Variants in ASAP1 observed in about 807,000 individuals in gnomAD.
The protein encoded by ASAP1 is arf-GAP with SH3 domain, ANK repeat and PH domain-containing protein 1.
ASAP1 carries 43 observed loss-of-function variants against 145.2 expected under a neutral mutation model. That is an observed-to-expected ratio of 0.30 (90% CI 0.23 to 0.38). The LOEUF (loss-of-function observed/expected upper bound fraction) is 0.38, where lower values mean the gene tolerates loss of function less well. ASAP1 is among the 10% of genes least tolerant of loss of function. The probability of loss-of-function intolerance (pLI) is 1.00; values close to 1 mark genes in which losing one functional copy is unlikely to be tolerated. For missense variants in ASAP1, 1,018 were observed against 1,355.3 expected (o/e 0.75, Z 3.91); for synonymous variants, 546 against 515.5 (o/e 1.06, Z -0.80).
intron 15 of ASAP1, among the ~76,000 whole-genome samples, chr8:130,128,383 A>G (rs1456610952): frequency 6.6e-6 from 1 of 152,126 alleles, no homozygotes; most frequent in Non-Finnish European, 1.5e-5. Flanking sequence ...ACGAATATAC[A>G]AGGAGACTGC....
intron 3 of ASAP1, among the ~76,000 whole-genome samples, chr8:130,341,434 C>G (rs1396637106): frequency 6.6e-6 from 1 of 152,170 alleles, no homozygotes; most frequent in Non-Finnish European, 1.5e-5. Context: ...GAGGGTCAGA[C>G]AGATCTTTGT....
chr8:130,214,777 A>G lies in ASAP1; in HGVS notation c.260-76T>C. 3 of 1,239,902 alleles carry G rather than the reference A, an allele frequency of 2.4e-6. No individual in the cohort carries two copies. The South Asian group carries it at 4.6e-5, about 19-fold the overall frequency. The allele number at this position is 1,239,902 out of a possible 1,614,324, so 76.8% of individuals were successfully genotyped here. On this transcript the variant is annotated intron_variant, in intron 4 of 29. Coordinates refer to ENST00000518721, the MANE Select transcript of ASAP1 (RefSeq NM_018482.4). ...TGAAAAGTTACTTTGAACACCGATC[A>G]CTACGAATTCTCAAAATGGAAGCAT... is the stretch of plus-strand genomic sequence containing the variant.
chr8:130,310,236 T>C lies in ASAP1; in HGVS notation c.186+47781A>G, dbSNP rs182832328. Among the ~76,000 whole-genome samples, 309 of 152,040 alleles carry C rather than the reference T, an allele frequency of 2.0e-3. 2 individuals are homozygous for C. The highest frequency in any genetic ancestry group is 6.8e-3 in the African/African-American group (284 of 41,480). On this transcript the variant is annotated intron_variant, in intron 3 of 29. Transcript: ENST00000518721. Reference sequence around the variant, plus strand: ...GAGCTTTATAATTCTCTACAAATAATAGAAATAACCATTGTTATGGGCTCA... The same window carrying C: ...GAGCTTTATAATTCTCTACAAATAACAGAAATAACCATTGTTATGGGCTCA...
intron 1 of ASAP1, among the ~76,000 whole-genome samples, chr8:130,434,937 C>T (rs1273575337): frequency 6.6e-6 from 1 of 152,130 alleles, no homozygotes; most frequent in African/African-American, 2.4e-5. Flanking sequence ...ACAGCCCATC[C>T]CCTGAAAACC....
chr8:130,067,390 C>T (rs1221418597), intron 27 of ASAP1, among the ~76,000 whole-genome samples: 2 of 152,108 alleles, frequency 1.3e-5, no homozygotes, highest in Non-Finnish European at 2.9e-5. Context: ...CTATGTGATG[C>T]CCACTATTTT....
In ASAP1 at chr8:130,064,230, C is replaced by T. The variant is rs143188354; in HGVS notation, c.2702-3161G>A. 5.0e-3 allele frequency among the ~76,000 whole-genome samples: 763 copies of T among 152,176 alleles called. 2 individuals carry two copies. Among genetic ancestry groups the T allele is most frequent in the Admixed American group, 7.1e-3 (109 of 15,278 alleles). On this transcript the variant is annotated intron_variant, in intron 27 of 29. Coordinates refer to ENST00000518721, the MANE Select transcript of ASAP1 (RefSeq NM_018482.4). ...GACAGGGTAGGAGGCTCCAACTGTC[C>T]AGACAAGAGATGATGCTCATTTGAT... is the stretch of plus-strand genomic sequence containing the variant.
intron 3 of ASAP1, among the ~76,000 whole-genome samples, chr8:130,246,630 C>T (rs1294303245): frequency 3.3e-5 from 5 of 152,140 alleles, no homozygotes; most frequent in Non-Finnish European, 4.4e-5. Flanking sequence ...CCCAGCCACG[C>T]GGAACTGTGA....
chr8:130,094,030 G>A (rs1442097449), intron 24 of ASAP1, among the ~76,000 whole-genome samples: 1 of 152,110 alleles, frequency 6.6e-6, no homozygotes, highest in Non-Finnish European at 1.5e-5. Flanking sequence ...CACAATGGAA[G>A]CCTGATGCTT....
intron 24 of ASAP1, among the ~76,000 whole-genome samples, chr8:130,100,220 G>A (rs1411988553): frequency 6.6e-6 from 1 of 152,180 alleles, no homozygotes; most frequent in East Asian, 1.9e-4. Context: ...ACTGGAAATA[G>A]ATAATATCTC....
chr8:130,194,580 A>T (rs1253644340), intron 5 of ASAP1, among the ~76,000 whole-genome samples: 1 of 152,188 alleles, frequency 6.6e-6, no homozygotes, highest in Non-Finnish European at 1.5e-5. Flanking sequence ...CTGGCACCAG[A>T]GGCTGGTTTT....
chr8:130,170,162 G>C (rs752236840), intron 9 of ASAP1, among the ~76,000 whole-genome samples: 3 of 151,288 alleles, frequency 2.0e-5, no homozygotes, highest in Non-Finnish European at 4.4e-5. Context: ...CAGACTGAAT[G>C]AAGCAATATC....
chr8:130,149,286 T>C (rs992380973), intron 13 of ASAP1, among the ~76,000 whole-genome samples: 10 of 150,452 alleles, frequency 6.6e-5, no homozygotes, highest in East Asian at 1.9e-4. Flanking sequence ...ACTACTGTTA[T>C]AGCAAATTCA....
intron 1 of ASAP1, chr8:130,427,617 C>T (rs1829972245): frequency 6.6e-6 from 1 of 152,272 alleles, no homozygotes; most frequent in African/African-American, 2.4e-5. Context: ...TGCCGAAGGT[C>T]ACCAAGCAAG....
At chr8:130,398,987 C>T (rs940031127) in intron 2 of ASAP1, among the ~76,000 whole-genome samples, 4 of 152,208 alleles carry the variant, frequency 2.6e-5, no homozygotes, top group Non-Finnish European at 5.9e-5. Flanking sequence ...ATAAAGATTA[C>T]ACTTCCCAGC....
intron 4 of ASAP1, among the ~76,000 whole-genome samples, chr8:130,217,502 A>G (rs1246456999): frequency 6.8e-6 from 1 of 146,024 alleles, no homozygotes; most frequent in Non-Finnish European, 1.5e-5. Flanking sequence ...TGTATATTAT[A>G]TGTGTATATA....
In ASAP1 at chr8:130,328,420, G is replaced by A. The variant is rs75552144; in HGVS notation, c.186+29597C>T. 4.5e-3 allele frequency among the ~76,000 whole-genome samples: 691 copies of A among 152,222 alleles called. 5 individuals are homozygous for A. The highest frequency in any genetic ancestry group is 0.016 in the African/African-American group (656 of 41,526). ...CCTGTATTAATTTCAGGATGAGGGA[G>A]GAAAAATAAAGTAATTAAATTTTGC... On this transcript the variant is annotated intron_variant, in intron 3 of 29. Transcript: ENST00000518721.
At chr8:130,421,553 T>C (rs922716275) in intron 1 of ASAP1, among the ~76,000 whole-genome samples, 6 of 152,118 alleles carry the variant, frequency 3.9e-5, no homozygotes, top group African/African-American at 9.7e-5. Context: ...TTTTAAGAAG[T>C]GGGTGTGCTT....
intron 13 of ASAP1, 79 bp downstream of exon 13, chr8:130,152,657 C>T (rs946063788): frequency 2.9e-5 from 27 of 933,032 alleles, no homozygotes; most frequent in South Asian, 1.2e-4. Context: ...AATATATTTG[C>T]GCCAATTTTT....
intron 24 of ASAP1, among the ~76,000 whole-genome samples, chr8:130,097,904 A>G (rs1250895162): frequency 2.0e-5 from 3 of 152,212 alleles, no homozygotes; most frequent in Non-Finnish European, 2.9e-5. Flanking sequence ...CCCAGAAAAA[A>G]TGTCCTGGAA....
Sources: gnomAD v4.1 joint callset for allele counts (sites outside exome capture counted in the v4.1 genomes callset) on GRCh38, gnomAD v4.1.1 for gene constraint, MANE v1.5 for transcripts, NCBI Gene and HGNC (gene_info 2026-07-23, HGNC 2026-07-21) for gene names.